Variants in TPCN2 observed in about 807,000 individuals in gnomAD.
The protein encoded by TPCN2 is two pore segment channel 2, also known as two pore channel protein 2.
Under a neutral mutation model 111.4 loss-of-function variants are expected in TPCN2, and 92 were observed. The ratio of observed to expected loss-of-function variants is 0.83; its 90% CI spans 0.70 to 0.98. The LOEUF is 0.98. Ranked by LOEUF, TPCN2 falls within the 50% of genes least tolerant of loss-of-function variation. The pLI, the probability that TPCN2 is intolerant of heterozygous loss-of-function variation, is 0.00. For missense variants in TPCN2, 995 were observed against 980.1 expected (o/e 1.02, Z -0.20); for synonymous variants, 405 against 414.5 (o/e 0.98, Z 0.28).
intron 4 of TPCN2, among the ~76,000 whole-genome samples, chr11:69,056,275 G>T (rs116438871): frequency 6.6e-6 from 1 of 152,322 alleles, no homozygotes; most frequent in Non-Finnish European, 1.5e-5. Context: ...GTAGTCCCTT[G>T]TGGGCAGGGC....
At chr11:69,060,245 C>T (rs1196697632) in intron 5 of TPCN2, among the ~76,000 whole-genome samples, 1 of 152,260 alleles carries the variant, frequency 6.6e-6, no homozygotes, top group Non-Finnish European at 1.5e-5. Context: ...AGAGCTTTCC[C>T]TTCTGCAGCA....
At chr11:69,084,105 G>A in intron 19 of TPCN2, 89 bp downstream of exon 19, 1 of 1,330,462 alleles carries the variant, frequency 7.5e-7, no homozygotes, top group Non-Finnish European at 1.1e-6. Flanking sequence ...CCGGCTCACT[G>A]CTCTGTCGGT....
At position 69,078,479 on chromosome 11, in the gene TPCN2, C is replaced by T. The variant is rs1855882284; in HGVS notation, c.1231-3C>T. 1 of 1,613,994 alleles carries T rather than the reference C, an allele frequency of 6.2e-7. No homozygotes were observed. Among genetic ancestry groups the T allele is most frequent in the Non-Finnish European group, 8.5e-7 (1 of 1,180,028 alleles). ...CTTCTGAGCACGTGTGTTCCTTGCC[C>T]AGCACCCGCCGAGGCCCGAGTACCA... On this transcript the variant is annotated splice_polypyrimidine_tract_variant and splice_region_variant and intron_variant, in intron 13 of 24. Coordinates refer to ENST00000294309, the MANE Select transcript of TPCN2 (RefSeq NM_139075.4).
At chr11:69,079,789 AT>A in intron 16 of TPCN2, 44 bp from the exon 17 acceptor site, 1 of 1,584,374 alleles carries the variant, frequency 6.3e-7, no homozygotes, top group Non-Finnish European at 8.7e-7. Flanking sequence ...GGCCGCCCAG[AT>A]TAGTGTTGCT....
chr11:69,068,325 C>T, intron 8 of TPCN2, among the ~76,000 whole-genome samples: 1 of 137,460 alleles, frequency 7.3e-6, no homozygotes, highest in African/African-American at 2.8e-5. Context: ...CCGTCTGAGT[C>T]CTAGGAAGTG....
At position 69,088,435 on chromosome 11, in the gene TPCN2, G is replaced by A. The variant is rs925754097; in HGVS notation, c.*482G>A. 5.0e-5 allele frequency: 8 copies of A among 158,840 alleles called. No individual in the cohort carries two copies. The highest frequency in any genetic ancestry group is 1.9e-4 in the East Asian group (1 of 5,400). 9.8% of individuals were successfully genotyped at this position (158,840 alleles called of 1,614,324 possible). The stretch of plus-strand genomic sequence containing the variant: ...TTTTATTATTTCATGGCTTGTATGA[G>A]TGTGACTGGGTGTGTTTCTTTAGGG... On this transcript the variant is annotated 3_prime_UTR_variant, in exon 25 of 25. Transcript: ENST00000294309.
chr11:69,052,801 G>C (rs888571229), intron 1 of TPCN2, among the ~76,000 whole-genome samples: 3 of 152,208 alleles, frequency 2.0e-5, no homozygotes, highest in Admixed American at 6.5e-5. Flanking sequence ...GGCCTCTGCT[G>C]CTGCCTCCCA....
intron 13 of TPCN2, among the ~76,000 whole-genome samples, chr11:69,073,421 G>A (rs1304378770): frequency 6.6e-6 from 1 of 152,244 alleles, no homozygotes; most frequent in Non-Finnish European, 1.5e-5. Context: ...CCAGGTGGGT[G>A]GAGACAGTGG....
chr11:69,049,471 G>A (rs978438983), intron 1 of TPCN2, among the ~76,000 whole-genome samples: 2 of 152,218 alleles, frequency 1.3e-5, no homozygotes, highest in Non-Finnish European at 2.9e-5. Context: ...GACTGTCGCC[G>A]TAATGAGGGT....
chr11:69,050,631 G>A (rs1272406429), intron 1 of TPCN2, among the ~76,000 whole-genome samples: 1 of 152,212 alleles, frequency 6.6e-6, no homozygotes, highest in African/African-American at 2.4e-5. Flanking sequence ...GCCTGCCTCG[G>A]CCTCCCAAAG....
chr11:69,086,138 A>G (rs765909773), intron 22 of TPCN2, among the ~76,000 whole-genome samples: 11 of 152,176 alleles, frequency 7.2e-5, no homozygotes, highest in Non-Finnish European at 1.3e-4. Flanking sequence ...GATGGTGGCC[A>G]GTGACTCTGG....
chr11:69,087,232 G>A, intron 24 of TPCN2, 26 bp downstream of exon 24: 1 of 1,607,264 alleles, frequency 6.2e-7, no homozygotes, highest in Non-Finnish European at 8.5e-7. Context: ...AGGCGCTTCT[G>A]TCTGGCCCCC....
chr11:69,064,025 AG>A (rs1333365755), intron 7 of TPCN2, 58 bp downstream of exon 7: 1 of 1,548,998 alleles, frequency 6.5e-7, no homozygotes, highest in Non-Finnish European at 8.9e-7. Context: ...TGACTAACAG[AG>A]GGGGCTGGGC....
At chr11:69,067,667 T>G in intron 8 of TPCN2, 62 bp downstream of exon 8, 1 of 1,531,552 alleles carries the variant, frequency 6.5e-7, no homozygotes, top group Admixed American at 1.7e-5. Context: ...GGGGCCGGTT[T>G]GGGCTGCTGA....
In TPCN2 at chr11:69,085,228, G is replaced by T; in HGVS notation, c.1780G>T (p.Ala594Ser). Reference protein sequence around the residue: ...GILVVVYYVFAIIGINLFRGV... With the variant: ...GILVVVYYVFSIIGINLFRGV... ...CCGCCAGGTGGTCTACTACGTATTTGCCATCATTGGGATCAACTTGTTTAG... is the reference window on the plus strand; with the variant it reads ...CCGCCAGGTGGTCTACTACGTATTTTCCATCATTGGGATCAACTTGTTTAG... Residue 594 changes from alanine to serine, a missense_variant, in exon 20 of 25, where the codon GCC becomes TCC. Coordinates refer to ENST00000294309, the MANE Select transcript of TPCN2 (RefSeq NM_139075.4). 1 of 1,608,820 alleles carries T rather than the reference G, an allele frequency of 6.2e-7. No individual in the cohort carries two copies. Among genetic ancestry groups the T allele is most frequent in the South Asian group, 1.1e-5 (1 of 91,022 alleles).
In TPCN2 at chr11:69,049,096, A is replaced by T; in HGVS notation, c.99A>T (p.Gln33His). 8.1e-7 allele frequency: 1 copy of T among 1,241,870 alleles called. No homozygotes were observed. The highest frequency in any genetic ancestry group is 1.0e-6 in the Non-Finnish European group (1 of 987,752). 76.9% of individuals were successfully genotyped at this position (1,241,870 alleles called of 1,614,324 possible). ...GGCTGACCACTTACCGCAGCATCCA[A>T]GTCGGCCCTGGTGAGCCGCCCGGAC... ...PAGLTTYRSI[Q>H]VGPGAAARWD... Residue 33 changes from glutamine (Q) to histidine (H), a missense_variant, in exon 1 of 25, where the codon CAA becomes CAT. Physicochemically the swap from Gln to His is conservative, Grantham distance 24. Coordinates refer to ENST00000294309, the MANE Select transcript of TPCN2 (RefSeq NM_139075.4).
intron 16 of TPCN2, 139 bp from the exon 17 acceptor site, chr11:69,079,695 T>A (rs897002613): frequency 1.4e-5 from 10 of 734,984 alleles, no homozygotes; most frequent in Non-Finnish European, 2.2e-5. Context: ...ACCCGTGGGG[T>A]CCAGGACCAA....
At chr11:69,061,936 T>TGTGTGA (rs780193106) in intron 5 of TPCN2, among the ~76,000 whole-genome samples, 27 of 151,794 alleles carry the variant, frequency 1.8e-4, no homozygotes, top group Non-Finnish European at 3.7e-4. Context: ...AGAGTGTGTG[T>TGTGTGA]GTGTGAGTGT....
chr11:69,072,884 C>G, intron 12 of TPCN2, 31 bp from the exon 13 acceptor site: 8 of 1,587,024 alleles, frequency 5.0e-6, no homozygotes, highest in Non-Finnish European at 6.9e-6. Flanking sequence ...TTCCCGTGCG[C>G]CCCTGCTGAC....
Sources: allele counts gnomAD v4.1 joint callset (sites outside exome capture counted in the v4.1 genomes callset), GRCh38; gene constraint gnomAD v4.1.1; transcripts MANE v1.5; gene names NCBI Gene and HGNC (gene_info 2026-07-23, HGNC 2026-07-21).